RBMS3: variants seen among roughly 807,000 people sequenced by gnomAD.
The protein encoded by RBMS3 is RNA binding motif single stranded interacting protein 3, also known as RNA-binding motif, single-stranded-interacting protein 3.
In RBMS3, 27 loss-of-function variants were observed where a neutral mutation model predicts 66.8. The ratio of observed to expected loss-of-function variants is 0.40; its 90% confidence interval spans 0.30 to 0.56. The LOEUF is 0.56. Ranked by LOEUF, RBMS3 falls within the 20% of genes least tolerant of loss-of-function variation. The pLI, the probability that RBMS3 is intolerant of heterozygous loss-of-function variation, is 0.40. For synonymous variants in RBMS3, 188 were observed against 183.0 expected (o/e 1.03, Z -0.22); for missense variants, 513 against 549.5 (o/e 0.93, Z 0.66).
At chr3:29,770,100 T>C (rs1195893800) in intron 6 of RBMS3, among the ~76,000 whole-genome samples, 1 of 151,920 alleles carries the variant, frequency 6.6e-6, no homozygotes, top group African/African-American at 2.4e-5. Context: ...ATGAATTCTG[T>C]TTTCTGGCAT....
intron 6 of RBMS3, 30 bp from the exon 7 acceptor site, chr3:29,868,828 T>G: frequency 6.5e-7 from 1 of 1,539,476 alleles, no homozygotes; most frequent in Non-Finnish European, 8.9e-7. Flanking sequence ...GGGGAGTTGT[T>G]AATGTAGAAT....
intron 10 of RBMS3, among the ~76,000 whole-genome samples, chr3:29,924,163 T>C (rs1332583211): frequency 6.6e-6 from 1 of 152,200 alleles, no homozygotes; most frequent in Non-Finnish European, 1.5e-5. Flanking sequence ...CACTCTGCTC[T>C]GGTAAGGAAA....
At chr3:29,346,237 C>T (rs1037497305) in intron 1 of RBMS3, among the ~76,000 whole-genome samples, 5 of 152,118 alleles carry the variant, frequency 3.3e-5, no homozygotes, top group African/African-American at 1.2e-4. Flanking sequence ...TGGCTTAGCA[C>T]ATAGTAGGGC....
Position 29,552,622 on chromosome 3 carries a change from T to C in RBMS3, c.308-34492T>C, listed in dbSNP as rs532456302. On this transcript the variant is annotated intron_variant, in intron 3 of 14. Transcript: ENST00000383767. Reference sequence around the variant, plus strand: ...GTAGTGTTATTCCGATGGTTTCTCATTGAGCTTTTCCTTCTTCACAACTTT... The same window carrying C: ...GTAGTGTTATTCCGATGGTTTCTCACTGAGCTTTTCCTTCTTCACAACTTT... 2.3e-3 allele frequency among the ~76,000 whole-genome samples: 347 copies of C among 152,288 alleles called. 1 individual carries two copies. Among genetic ancestry groups the C allele is most frequent in the African/African-American group, 7.9e-3 (329 of 41,564 alleles).
At chr3:29,775,546 T>C (rs1188682019) in intron 6 of RBMS3, among the ~76,000 whole-genome samples, 1 of 152,016 alleles carries the variant, frequency 6.6e-6, no homozygotes, top group Non-Finnish European at 1.5e-5. Context: ...TTAAGACTAA[T>C]ATCTAAGAGC....
intron 1 of RBMS3, among the ~76,000 whole-genome samples, chr3:29,397,171 A>G (rs184261171): frequency 5.0e-4 from 76 of 152,272 alleles, no homozygotes; most frequent in Middle Eastern, 6.8e-3. Context: ...CTTTAAATGC[A>G]TGTTTATATA....
intron 8 of RBMS3, among the ~76,000 whole-genome samples, chr3:29,885,713 TATA>T (rs1198342602): frequency 1.3e-5 from 2 of 151,904 alleles, no homozygotes; most frequent in East Asian, 1.9e-4. Context: ...ATTCATATTT[TATA>T]ATATTTTACA....
intron 1 of RBMS3, among the ~76,000 whole-genome samples, chr3:29,352,334 C>T (rs913404152): frequency 6.6e-6 from 1 of 151,884 alleles, no homozygotes; most frequent in African/African-American, 2.4e-5. Context: ...TCAGGTCCCC[C>T]TTTTATAGTG....
At chr3:29,677,196 C>G (rs540965852) in intron 4 of RBMS3, among the ~76,000 whole-genome samples, 3 of 152,094 alleles carry the variant, frequency 2.0e-5, no homozygotes, top group Non-Finnish European at 4.4e-5. Flanking sequence ...CACCTCCCAC[C>G]AAGCCCCACC....
chr3:29,978,428 C>G (rs1449298), intron 12 of RBMS3, among the ~76,000 whole-genome samples: 6,742 of 151,958 alleles, frequency 0.044, 527 homozygotes, highest in African/African-American at 0.15. Flanking sequence ...ATTTCAAGTT[C>G]TGTTAGGTTT....
chr3:29,778,752 T>G (rs2056514735), intron 6 of RBMS3, among the ~76,000 whole-genome samples: 1 of 151,904 alleles, frequency 6.6e-6, no homozygotes, highest in African/African-American at 2.4e-5. Context: ...TATAGTCTCT[T>G]CTGTACTAGT....
chr3:29,540,605 C>T (rs867454058), intron 3 of RBMS3, among the ~76,000 whole-genome samples: 6 of 152,136 alleles, frequency 3.9e-5, no homozygotes, highest in Admixed American at 3.9e-4. Flanking sequence ...GATATAGTAA[C>T]TCTCGAACAC....
intron 5 of RBMS3, among the ~76,000 whole-genome samples, chr3:29,759,830 A>T (rs549118965): frequency 6.6e-6 from 1 of 152,094 alleles, no homozygotes; most frequent in Admixed American, 6.6e-5. Context: ...CTTTGCTGGG[A>T]CTGCTTTGCC....
intron 1 of RBMS3, among the ~76,000 whole-genome samples, chr3:29,391,539 A>G (rs1363062466): frequency 6.6e-6 from 1 of 152,224 alleles, no homozygotes; most frequent in African/African-American, 2.4e-5. Context: ...GTTTATGAAG[A>G]CTGACACAAT....
intron 3 of RBMS3, among the ~76,000 whole-genome samples, chr3:29,550,400 G>A (rs564546814): frequency 6.6e-6 from 1 of 152,174 alleles, no homozygotes; most frequent in Non-Finnish European, 1.5e-5. Flanking sequence ...TATGTCCCAT[G>A]CAATATTTGG....
chr3:29,612,405 G>A (rs2048522579), intron 4 of RBMS3, among the ~76,000 whole-genome samples: 1 of 151,960 alleles, frequency 6.6e-6, no homozygotes, highest in South Asian at 2.1e-4. Flanking sequence ...TATGAGCCCT[G>A]TATTAATGAA....
At chr3:29,437,205 G>A (rs1427237375) in intron 2 of RBMS3, among the ~76,000 whole-genome samples, 2 of 152,162 alleles carry the variant, frequency 1.3e-5, no homozygotes, top group East Asian at 3.8e-4. Context: ...TATAACACAG[G>A]AATCAGCACA....
chr3:29,333,502 G>C (rs2035783023), intron 1 of RBMS3, among the ~76,000 whole-genome samples: 1 of 152,126 alleles, frequency 6.6e-6, no homozygotes, highest in Non-Finnish European at 1.5e-5. Flanking sequence ...ACCAGACTGA[G>C]GGAAAAGTAA....
At chr3:29,611,265 G>A (rs1167480034) in intron 4 of RBMS3, among the ~76,000 whole-genome samples, 2 of 152,022 alleles carry the variant, frequency 1.3e-5, no homozygotes, top group Non-Finnish European at 2.9e-5. Flanking sequence ...ACTTATTAAA[G>A]TCCAGGTAGT....
Sources: gnomAD v4.1 joint callset for allele counts (sites outside exome capture counted in the v4.1 genomes callset) on GRCh38, gnomAD v4.1.1 for gene constraint, MANE v1.5 for transcripts, NCBI Gene and HGNC (gene_info 2026-07-23, HGNC 2026-07-21) for gene names.